Variants in FILIP1L observed in about 807,000 individuals in gnomAD.
FILIP1L encodes the protein filamin A-interacting protein 1-like.
FILIP1L carries 55 observed loss-of-function variants against 96.6 expected under a neutral mutation model. The ratio of observed to expected loss-of-function variants is 0.57; its 90% confidence interval spans 0.46 to 0.71. FILIP1L has a LOEUF of 0.71. Ranked by LOEUF, FILIP1L falls within the 30% of genes least tolerant of loss-of-function variation. The pLI is 0.00. For synonymous variants in FILIP1L, 467 were observed against 473.9 expected, an observed-to-expected ratio of 0.99 and a Z score of 0.19; for missense variants, 1,304 against 1,321.2, an observed-to-expected ratio of 0.99 and a Z score of 0.20.
intron 1 of FILIP1L, among the ~76,000 whole-genome samples, chr3:100,043,851 C>T (rs1434024427): frequency 6.6e-6 from 1 of 152,120 alleles, no homozygotes; most frequent in Non-Finnish European, 1.5e-5. Flanking sequence ...TTGAAATATG[C>T]AGTATGTTAT....
chr3:99,955,933 C>T (rs1296028240), intron 1 of FILIP1L, among the ~76,000 whole-genome samples: 1 of 152,134 alleles, frequency 6.6e-6, no homozygotes, highest in Non-Finnish European at 1.5e-5. Context: ...TCTTACATAG[C>T]GCTTACCACA....
chr3:99,848,354 T>C lies in FILIP1L; in HGVS notation c.3322A>G (p.Thr1108Ala). The C allele has an allele frequency of 1.2e-6, 2 of 1,614,180 alleles. No homozygotes were observed. Among genetic ancestry groups the C allele is most frequent in the Non-Finnish European group, 1.7e-6 (2 of 1,180,006 alleles). Residue 1108 changes from threonine to alanine, a missense_variant, in exon 5 of 6, where the codon ACC (threonine) becomes GCC (alanine). Physicochemically the swap from Thr to Ala is moderately conservative, Grantham distance 58. Coordinates refer to ENST00000477258, the MANE Select transcript of FILIP1L (RefSeq NM_001387850.1). ...GTTGGTGTGATAGTAATACTGCTGG[T>C]GACTTTATTGGTTGTTTTGTTTAGT... is the stretch of plus-strand genomic sequence containing the variant. ...GALNKTTNKV[T>A]SSITITPTAT...
At chr3:100,021,658 T>C (rs2064819569) in intron 1 of FILIP1L, among the ~76,000 whole-genome samples, 1 of 152,132 alleles carries the variant, frequency 6.6e-6, no homozygotes, top group East Asian at 1.9e-4. Flanking sequence ...GAATTTTAAA[T>C]CAAGTGTCTT....
At chr3:100,048,097 A>G (rs2065307051) in intron 1 of FILIP1L, among the ~76,000 whole-genome samples, 1 of 152,216 alleles carries the variant, frequency 6.6e-6, no homozygotes, top group Non-Finnish European at 1.5e-5. Context: ...CCACAATCCA[A>G]GTCCACTTGT....
At chr3:99,936,173 A>C (rs746357173) in intron 1 of FILIP1L, among the ~76,000 whole-genome samples, 1 of 152,116 alleles carries the variant, frequency 6.6e-6, no homozygotes, top group Non-Finnish European at 1.5e-5. Context: ...GCCTCAAAAA[A>C]GAAATCATTT....
chr3:99,836,296 T>C (rs1942892771), intron 5 of FILIP1L, among the ~76,000 whole-genome samples: 1 of 152,134 alleles, frequency 6.6e-6, no homozygotes, highest in African/African-American at 2.4e-5. Context: ...TGGAGAATAG[T>C]TCCCAGATGT....
chr3:99,926,767 G>A (rs1363244712), intron 3 of FILIP1L, among the ~76,000 whole-genome samples: 5 of 152,170 alleles, frequency 3.3e-5, no homozygotes, highest in African/African-American at 4.8e-5. Flanking sequence ...ACCAAAGAGA[G>A]AAAATAGAAG....
At chr3:99,961,915 C>A (rs1199348467) in intron 1 of FILIP1L, among the ~76,000 whole-genome samples, 1 of 151,750 alleles carries the variant, frequency 6.6e-6, no homozygotes, top group Non-Finnish European at 1.5e-5. Context: ...ACTGAGGGAC[C>A]AAGTAGTCTG....
intron 1 of FILIP1L, among the ~76,000 whole-genome samples, chr3:99,963,142 G>C (rs1280190251): frequency 6.6e-6 from 1 of 152,194 alleles, no homozygotes; most frequent in Non-Finnish European, 1.5e-5. Flanking sequence ...CAGTGCACCA[G>C]AGAAAGTTCG....
chr3:99,891,567 T>G lies in FILIP1L; in HGVS notation c.605+32663A>C, dbSNP rs547537206. Among the ~76,000 whole-genome samples, 13 of 152,250 alleles carry G rather than the reference T, an allele frequency of 8.5e-5. No homozygotes were observed. The East Asian group carries it at 1.7e-3, about 20-fold the overall frequency. ...GCTTTTTAATATGTGTTGGATTTTT[T>G]GGGTTTTTTTTGTTTGTTTTGTTTT... On this transcript the variant is annotated intron_variant, in intron 4 of 5. Transcript: ENST00000477258.
intron 4 of FILIP1L, among the ~76,000 whole-genome samples, chr3:99,875,513 A>G (rs1258864762): frequency 6.6e-6 from 1 of 152,228 alleles, no homozygotes; most frequent in Non-Finnish European, 1.5e-5. Flanking sequence ...ATATGCTTTT[A>G]CGACAAAATA....
intron 4 of FILIP1L, among the ~76,000 whole-genome samples, chr3:99,893,095 G>A (rs574769561): frequency 4.6e-5 from 7 of 151,814 alleles, no homozygotes; most frequent in Non-Finnish European, 2.9e-5. Flanking sequence ...AGAAATCTGG[G>A]GATTTTTAGA....
intron 4 of FILIP1L, 155 bp from the exon 5 acceptor site, chr3:99,851,225 G>T: frequency 1.7e-6 from 1 of 581,334 alleles, no homozygotes; most frequent in Non-Finnish European, 2.8e-6. Flanking sequence ...TGATGACAGA[G>T]GAAAATCTTG....
chr3:100,097,895 T>C (rs927858708), intron 1 of FILIP1L, among the ~76,000 whole-genome samples: 1 of 152,240 alleles, frequency 6.6e-6, no homozygotes, highest in South Asian at 2.1e-4. Context: ...CTTTGTGTTA[T>C]ATTTTTACTC....
At chr3:99,940,730 C>G (rs761519109) in intron 1 of FILIP1L, among the ~76,000 whole-genome samples, 11 of 152,242 alleles carry the variant, frequency 7.2e-5, no homozygotes, top group Non-Finnish European at 1.6e-4. Flanking sequence ...GAACCATCTT[C>G]CTCACCTTTT....
intron 4 of FILIP1L, among the ~76,000 whole-genome samples, chr3:99,912,167 G>A (rs1251798021): frequency 2.0e-5 from 3 of 152,102 alleles, no homozygotes; most frequent in Non-Finnish European, 4.4e-5. Flanking sequence ...GCCATAAAAA[G>A]GAATGAAGTA....
chr3:99,961,770 G>A (rs1444225311), intron 1 of FILIP1L, among the ~76,000 whole-genome samples: 1 of 152,008 alleles, frequency 6.6e-6, no homozygotes, highest in African/African-American at 2.4e-5. Context: ...TAATGACACC[G>A]ATCTTGCCTT....
chr3:100,067,899 T>G (rs1293014778), intron 1 of FILIP1L, among the ~76,000 whole-genome samples: 1 of 151,772 alleles, frequency 6.6e-6, no homozygotes, highest in Non-Finnish European at 1.5e-5. Context: ...AGTAAACAGA[T>G]GCAATCAAAG....
At chr3:99,986,136 C>G (rs891329681) in intron 1 of FILIP1L, among the ~76,000 whole-genome samples, 67 of 152,212 alleles carry the variant, frequency 4.4e-4, no homozygotes, top group African/African-American at 1.3e-3. Context: ...GATAGAAAAT[C>G]TAAATTGTTT....
Sources: allele counts gnomAD v4.1 joint callset (sites outside exome capture counted in the v4.1 genomes callset), GRCh38; gene constraint gnomAD v4.1.1; transcripts MANE v1.5; gene names NCBI Gene and HGNC (gene_info 2026-07-23, HGNC 2026-07-21).